Variants in MAML2 observed in about 807,000 individuals in gnomAD.
The protein encoded by MAML2 is mastermind like transcriptional coactivator 2, also known as mastermind-like protein 2.
A neutral mutation model predicts 96.1 loss-of-function variants in MAML2; 22 were observed. The ratio of observed to expected loss-of-function variants is 0.23; its 90% CI spans 0.16 to 0.33. The LOEUF (loss-of-function observed/expected upper bound fraction) is 0.33, where lower values mean the gene tolerates loss of function less well. Among genes scored for constraint, MAML2 ranks in the 10% least tolerant of loss-of-function variants. The pLI is 1.00. For synonymous variants in MAML2, 561 were observed against 521.3 expected, an observed-to-expected ratio of 1.08 and a Z score of -1.04; for missense variants, 1,367 against 1,392.4, an observed-to-expected ratio of 0.98 and a Z score of 0.29.
intron 1 of MAML2, among the ~76,000 whole-genome samples, chr11:96,096,921 T>C (rs1299077566): frequency 6.6e-6 from 1 of 152,146 alleles, no homozygotes; most frequent in African/African-American, 2.4e-5. Flanking sequence ...AAGACACCCA[T>C]CAAAACTTCA....
intron 1 of MAML2, among the ~76,000 whole-genome samples, chr11:96,150,895 C>T (rs1236029023): frequency 1.3e-5 from 2 of 152,174 alleles, no homozygotes; most frequent in African/African-American, 2.4e-5. Flanking sequence ...GTTCTACAGT[C>T]TAGCAGCATC....
At chr11:96,066,169 C>G (rs1485183644) in intron 2 of MAML2, among the ~76,000 whole-genome samples, 1 of 152,110 alleles carries the variant, frequency 6.6e-6, no homozygotes, top group Non-Finnish European at 1.5e-5. Context: ...TTCCTTAAGC[C>G]CAAGGCTGGC....
At chr11:96,299,381 T>C (rs899892886) in intron 1 of MAML2, among the ~76,000 whole-genome samples, 8 of 151,634 alleles carry the variant, frequency 5.3e-5, no homozygotes, top group Non-Finnish European at 1.2e-4. Flanking sequence ...TTAGGATTAA[T>C]CCAGGACTGA....
intron 1 of MAML2, among the ~76,000 whole-genome samples, chr11:96,142,005 C>T (rs374613261): frequency 5.3e-5 from 8 of 152,298 alleles, no homozygotes; most frequent in East Asian, 3.9e-4. Context: ...CATTTACCAA[C>T]GTATAGCATG....
At chr11:96,098,807 T>A (rs10219283) in intron 1 of MAML2, among the ~76,000 whole-genome samples, 75,820 of 152,078 alleles carry the variant, frequency 0.5, 19,472 homozygotes, top group Middle Eastern at 0.64. Context: ...AGGAAAATCC[T>A]GCACAGCAGA....
chr11:96,307,872 G>A lies in MAML2; in HGVS notation c.513+33511C>T, dbSNP rs114357794. ...TCATTTGATGGCCCATGAGAGTTCA[G>A]GAACAGAACTAATAGTGAACCCAAG... On this transcript the variant is annotated intron_variant, in intron 1 of 4. Coordinates refer to ENST00000524717, the MANE Select transcript of MAML2 (RefSeq NM_032427.4). Among the ~76,000 whole-genome samples, 761 of 152,226 alleles carry A rather than the reference G, an allele frequency of 5.0e-3. 7 individuals are homozygous for A. Among genetic ancestry groups the A allele is most frequent in the African/African-American group, 0.017 (707 of 41,532 alleles).
intron 2 of MAML2, among the ~76,000 whole-genome samples, chr11:96,040,243 A>G (rs1415717719): frequency 6.6e-6 from 1 of 152,238 alleles, no homozygotes; most frequent in African/African-American, 2.4e-5. Context: ...AATATAATAA[A>G]TGTCATAATT....
intron 2 of MAML2, among the ~76,000 whole-genome samples, chr11:96,003,084 T>A (rs1858121444): frequency 1.4e-5 from 2 of 141,362 alleles, no homozygotes; most frequent in Admixed American, 1.4e-4. Flanking sequence ...ATGAGGAGGA[T>A]GATGGGGATG....
At chr11:96,230,529 G>A (rs949713722) in intron 1 of MAML2, among the ~76,000 whole-genome samples, 3 of 152,188 alleles carry the variant, frequency 2.0e-5, no homozygotes, top group Non-Finnish European at 2.9e-5. Flanking sequence ...ATGCAGAGTT[G>A]AAGACTAGAC....
At chr11:96,045,627 A>G (rs1181834019) in intron 2 of MAML2, among the ~76,000 whole-genome samples, 1 of 152,220 alleles carries the variant, frequency 6.6e-6, no homozygotes, top group East Asian at 1.9e-4. Flanking sequence ...GCTGAACCAA[A>G]ATTCTTTGGT....
intron 1 of MAML2, among the ~76,000 whole-genome samples, chr11:96,240,233 A>T (rs1453337394): frequency 6.6e-6 from 1 of 152,158 alleles, no homozygotes; most frequent in Non-Finnish European, 1.5e-5. Context: ...TTTTCCTGAC[A>T]TACAAAAAAT....
chr11:96,113,866 A>G (rs1056495093), intron 1 of MAML2, among the ~76,000 whole-genome samples: 2 of 152,130 alleles, frequency 1.3e-5, no homozygotes, highest in African/African-American at 2.4e-5. Context: ...TAAGTACACA[A>G]TGCTTCATTT....
chr11:96,121,780 A>ATGTTTTTTTTTTTTTTTTTT (rs1860346034), intron 1 of MAML2, among the ~76,000 whole-genome samples: 3 of 35,238 alleles, frequency 8.5e-5, no homozygotes, highest in Non-Finnish European at 1.5e-4. Context: ...CAACTGCGTG[A>ATGTTTTTTTTTTTTTTTTTT]TTTTTTTTTT....
At chr11:96,124,418 C>T (rs2135849296) in intron 1 of MAML2, among the ~76,000 whole-genome samples, 1 of 152,236 alleles carries the variant, frequency 6.6e-6, no homozygotes, top group East Asian at 1.9e-4. Flanking sequence ...AGAGAACCAC[C>T]TAAGAAGAAG....
chr11:96,218,814 A>G (rs1862088458), intron 1 of MAML2, among the ~76,000 whole-genome samples: 2 of 152,240 alleles, frequency 1.3e-5, no homozygotes, highest in Non-Finnish European at 2.9e-5. Context: ...TAAAAGTTAT[A>G]AGTATGTCCC....
At chr11:96,241,133 A>G (rs890642524) in intron 1 of MAML2, among the ~76,000 whole-genome samples, 1 of 152,236 alleles carries the variant, frequency 6.6e-6, no homozygotes, top group Non-Finnish European at 1.5e-5. Flanking sequence ...AGTTTTTATT[A>G]TAGTATATAT....
At chr11:96,068,731 G>A (rs964064251) in intron 2 of MAML2, among the ~76,000 whole-genome samples, 1 of 151,546 alleles carries the variant, frequency 6.6e-6, no homozygotes, top group Non-Finnish European at 1.5e-5. Flanking sequence ...TCAGGAGGCT[G>A]AGGCAGGAGA....
chr11:96,063,044 T>G (rs1195158506), intron 2 of MAML2, among the ~76,000 whole-genome samples: 4 of 152,220 alleles, frequency 2.6e-5, no homozygotes, highest in African/African-American at 9.6e-5. Flanking sequence ...AAGTCTTTTA[T>G]GATTTGGTGC....
intron 1 of MAML2, among the ~76,000 whole-genome samples, chr11:96,295,822 C>T (rs1293812879): frequency 2.0e-5 from 3 of 151,490 alleles, no homozygotes; most frequent in African/African-American, 7.3e-5. Context: ...AAAGTAAATT[C>T]ATAATCATTC....
Sources: gnomAD v4.1 joint callset for allele counts (sites outside exome capture counted in the v4.1 genomes callset) on GRCh38, gnomAD v4.1.1 for gene constraint, MANE v1.5 for transcripts, NCBI Gene and HGNC (gene_info 2026-07-23, HGNC 2026-07-21) for gene names.